MSI2: variants seen among roughly 807,000 people sequenced by gnomAD.
The protein encoded by MSI2 is RNA-binding protein Musashi homolog 2.
In MSI2, 17 loss-of-function variants were observed where a neutral mutation model predicts 45.6. That is an observed-to-expected ratio of 0.37 (90% CI 0.26 to 0.56). MSI2 has a LOEUF of 0.56. MSI2 is among the 20% of genes least tolerant of loss of function. The pLI, the probability that MSI2 is intolerant of heterozygous loss-of-function variation, is 0.77. For synonymous variants in MSI2, 156 were observed against 158.2 expected (o/e 0.99, Z 0.11); for missense variants, 293 against 444.2 (o/e 0.66, Z 3.06).
intron 6 of MSI2, among the ~76,000 whole-genome samples, chr17:57,422,838 G>A (rs1390282115): frequency 6.6e-5 from 10 of 152,212 alleles, no homozygotes; most frequent in Admixed American, 6.5e-4. Flanking sequence ...TTTTGGCAAG[G>A]TGTTATTTTT....
In MSI2 at chr17:57,390,185, G is replaced by C. The variant is rs150482058; in HGVS notation, c.313-11194G>C. Among the ~76,000 whole-genome samples the C allele has an allele frequency of 3.3e-3, 510 of 152,324 alleles. 1 individual carries two copies. The highest frequency in any genetic ancestry group is 5.0e-3 in the Non-Finnish European group (343 of 68,022). Reference sequence around the variant, plus strand: ...ATGGGAGGATTACTGGAGCTCAGGAGTTAAGGCTGCAGTGAGCTATAGTCA... The same window carrying C: ...ATGGGAGGATTACTGGAGCTCAGGACTTAAGGCTGCAGTGAGCTATAGTCA... On this transcript the variant is annotated intron_variant, in intron 5 of 13. Coordinates refer to ENST00000284073, the MANE Select transcript of MSI2 (RefSeq NM_138962.4).
At chr17:57,416,279 G>C (rs1189211362) in intron 6 of MSI2, among the ~76,000 whole-genome samples, 3 of 152,120 alleles carry the variant, frequency 2.0e-5, no homozygotes, top group Non-Finnish European at 4.4e-5. Flanking sequence ...CAAAGGAGAT[G>C]GTGCATTAAA....
rs75841763 is a variant in MSI2, at chr17:57,507,249, G to C, written c.406-22427G>C. ...TCTGTGTGTGTGTGTGTGTGTGTGT[G>C]TGTGTGTGTGTGTGTGTGTGTGTGT... On this transcript the variant is annotated intron_variant, in intron 6 of 13. Transcript: ENST00000284073. Among the ~76,000 whole-genome samples the C allele has an allele frequency of 1.2e-3, 174 of 139,412 alleles. 11 individuals are homozygous for C. The highest frequency in any genetic ancestry group is 4.6e-3 in the African/African-American group (167 of 36,224). 91.5% of individuals were successfully genotyped at this position (139,412 alleles called of 152,430 possible). A position where few individuals can be genotyped will look rare whatever the true frequency, so the allele number is the denominator to read the frequency against.
At chr17:57,300,063 C>T (rs185329758) in intron 5 of MSI2, among the ~76,000 whole-genome samples, 2 of 152,220 alleles carry the variant, frequency 1.3e-5, no homozygotes, top group African/African-American at 4.8e-5. Flanking sequence ...CGTGGACCCA[C>T]GCACGGCTTT....
chr17:57,447,663 A>C (rs982897856), intron 6 of MSI2, among the ~76,000 whole-genome samples: 1 of 151,988 alleles, frequency 6.6e-6, no homozygotes, highest in Non-Finnish European at 1.5e-5. Context: ...GGAAGTCCAG[A>C]TGATCCAACC....
intron 6 of MSI2, among the ~76,000 whole-genome samples, chr17:57,427,468 G>A (rs75913305): frequency 0.035 from 5,367 of 152,076 alleles, 112 homozygotes; most frequent in Middle Eastern, 0.085. Context: ...AGGACCTCAC[G>A]GGATGTGGGG....
At chr17:57,277,765 CA>C (rs1266870027) in intron 5 of MSI2, among the ~76,000 whole-genome samples, 1 of 152,182 alleles carries the variant, frequency 6.6e-6, no homozygotes, top group Admixed American at 6.5e-5. Context: ...GTAATGTTTA[CA>C]GGAGACAGTG....
At position 57,681,202 on chromosome 17, in the gene MSI2, GT is replaced by G. The variant is rs1913575823; in HGVS notation, c.*1687del. On this transcript the variant is annotated 3_prime_UTR_variant, in exon 14 of 14. Coordinates refer to ENST00000284073, the MANE Select transcript of MSI2 (RefSeq NM_138962.4). ...TGGCTGTTATAATATATGGTCCTCG[GT>G]TGGGGAAAGATACTTATGATGAAGG... is the stretch of plus-strand genomic sequence containing the variant. The G allele has an allele frequency of 5.4e-6, 1 of 185,570 alleles. No homozygotes were observed. Among genetic ancestry groups the G allele is most frequent in the Non-Finnish European group, 1.1e-5 (1 of 87,748 alleles). The allele number at this position is 185,570 out of a possible 1,614,324, so 11.5% of individuals were successfully genotyped here.
intron 6 of MSI2, among the ~76,000 whole-genome samples, chr17:57,494,941 C>T (rs2085945890): frequency 6.6e-6 from 1 of 152,030 alleles, no homozygotes; most frequent in South Asian, 2.1e-4. Flanking sequence ...AAGAAAATTA[C>T]ATTGCACAAT....
At chr17:57,450,142 T>C (rs2084970272) in intron 6 of MSI2, 1 of 151,986 alleles carries the variant, frequency 6.6e-6, no homozygotes, top group Non-Finnish European at 1.5e-5. Context: ...AAATTCAACA[T>C]TGGAGGGTAA....
At chr17:57,469,657 G>C (rs1318947471) in intron 6 of MSI2, among the ~76,000 whole-genome samples, 2 of 152,246 alleles carry the variant, frequency 1.3e-5, no homozygotes, top group African/African-American at 4.8e-5. Context: ...CATGGAGACT[G>C]GGGGAGAGAG....
At chr17:57,643,297 G>A (rs558006114) in intron 10 of MSI2, among the ~76,000 whole-genome samples, 6 of 152,318 alleles carry the variant, frequency 3.9e-5, no homozygotes, top group Admixed American at 2.0e-4. Flanking sequence ...CTCTCCCTCC[G>A]CAGCCCAAGA....
chr17:57,559,385 G>A (rs376397985), intron 7 of MSI2, among the ~76,000 whole-genome samples: 2 of 152,236 alleles, frequency 1.3e-5, no homozygotes, highest in African/African-American at 2.4e-5. Context: ...TGAGGATAGC[G>A]TGGTTTCCCT....
At chr17:57,576,771 AAT>A (rs1471191840) in intron 7 of MSI2, among the ~76,000 whole-genome samples, 10 of 151,584 alleles carry the variant, frequency 6.6e-5, no homozygotes, top group Non-Finnish European at 1.0e-4. Context: ...AAAAAAAAAA[AAT>A]GACTATAATC....
chr17:57,446,344 A>G (rs951241450), intron 6 of MSI2, among the ~76,000 whole-genome samples: 2 of 152,160 alleles, frequency 1.3e-5, no homozygotes, highest in African/African-American at 4.8e-5. Flanking sequence ...AGATGAGGTT[A>G]GCGAGGTGGC....
intron 7 of MSI2, among the ~76,000 whole-genome samples, chr17:57,577,288 C>G (rs946625850): frequency 6.6e-6 from 1 of 152,174 alleles, no homozygotes; most frequent in South Asian, 2.1e-4. Context: ...TATGAAGTAC[C>G]GAGGGGTGAT....
At chr17:57,318,732 C>T (rs564539581) in intron 5 of MSI2, among the ~76,000 whole-genome samples, 89 of 152,218 alleles carry the variant, frequency 5.8e-4, no homozygotes, top group Non-Finnish European at 1.1e-3. Flanking sequence ...CCTTGGAGTC[C>T]GAGGAGTGCC....
intron 7 of MSI2, among the ~76,000 whole-genome samples, chr17:57,563,513 C>G (rs77783135): frequency 1.2e-4 from 19 of 152,076 alleles, no homozygotes; most frequent in African/African-American, 4.6e-4. Flanking sequence ...AGCTGGGAAG[C>G]GGGCTCTGGG....
chr17:57,361,175 C>T (rs1331543542), intron 5 of MSI2, among the ~76,000 whole-genome samples: 1 of 152,140 alleles, frequency 6.6e-6, no homozygotes, highest in Non-Finnish European at 1.5e-5. Context: ...CTTTTGAGTA[C>T]CCCAAAATGT....
Sources: allele counts gnomAD v4.1 joint callset (sites outside exome capture counted in the v4.1 genomes callset), GRCh38; gene constraint gnomAD v4.1.1; transcripts MANE v1.5; gene names NCBI Gene and HGNC (gene_info 2026-07-23, HGNC 2026-07-21).